GRIA3: variants seen among roughly 807,000 people sequenced by gnomAD.
GRIA3 encodes glutamate receptor 3.
A neutral mutation model predicts 63.0 loss-of-function variants in GRIA3; 3 were observed. The observed-to-expected ratio is 0.05, with a 90% CI of 0.02 to 0.12. The LOEUF is 0.12. GRIA3 is among the 10% of genes least tolerant of loss of function. The probability of loss-of-function intolerance (pLI) is 1.00; values close to 1 mark genes in which losing one functional copy is unlikely to be tolerated. For synonymous variants in GRIA3, 274 were observed against 257.9 expected, an observed-to-expected ratio of 1.06 and a Z score of -0.60; for missense variants, 347 against 700.9, an observed-to-expected ratio of 0.50 and a Z score of 5.70.
chrX:123,468,641 G>A (rs1489280232), intron 13 of GRIA3, among the ~76,000 whole-genome samples: 3 of 112,549 alleles, frequency 2.7e-5, no homozygotes, highest in Non-Finnish European at 5.6e-5. Context: ...TAATAAAATT[G>A]TCATTCTTTA....
intron 2 of GRIA3, among the ~76,000 whole-genome samples, chrX:123,200,334 T>C (rs957256329): frequency 1.8e-5 from 2 of 110,103 alleles, no homozygotes; most frequent in East Asian, 2.8e-4. Context: ...CCCAGGTAAA[T>C]TAAAAATCAC....
chrX:123,273,779 G>A (rs1245545448), intron 3 of GRIA3, among the ~76,000 whole-genome samples: 1 of 111,831 alleles, frequency 8.9e-6, no homozygotes, highest in Non-Finnish European at 1.9e-5. Flanking sequence ...ACTTCTTCTC[G>A]CTCAAATTAA....
chrX:123,488,138 G>A (rs1304740660), intron 15 of GRIA3, among the ~76,000 whole-genome samples: 2 of 112,152 alleles, frequency 1.8e-5, no homozygotes, highest in African/African-American at 6.5e-5. Flanking sequence ...GGCAAAGACC[G>A]CATTGATGCC....
chrX:123,370,467 A>G (rs771919418), intron 5 of GRIA3, among the ~76,000 whole-genome samples: 8 of 111,897 alleles, frequency 7.1e-5, no homozygotes, highest in Non-Finnish European at 3.8e-5. Flanking sequence ...GAGTAAGCCA[A>G]CTTCTGCCCA....
intron 5 of GRIA3, among the ~76,000 whole-genome samples, chrX:123,361,628 C>T (rs908233684): frequency 9.0e-6 from 1 of 111,522 alleles, no homozygotes; most frequent in Admixed American, 9.5e-5. Flanking sequence ...CTTAAAGTTG[C>T]GAACTCTGAG....
At chrX:123,374,253 C>G (rs1022940538) in intron 5 of GRIA3, among the ~76,000 whole-genome samples, 5 of 111,900 alleles carry the variant, frequency 4.5e-5, no homozygotes, top group African/African-American at 1.6e-4. Flanking sequence ...GTTTTGGTTA[C>G]TGTAGCCTTG....
intron 2 of GRIA3, among the ~76,000 whole-genome samples, chrX:123,229,065 C>A (rs1039292318): frequency 4.5e-5 from 5 of 111,544 alleles, no homozygotes; most frequent in African/African-American, 1.6e-4. Flanking sequence ...CAGATCGTGC[C>A]CATCTCCATG....
chrX:123,351,542 C>G (rs950316264), intron 4 of GRIA3, among the ~76,000 whole-genome samples: 1 of 111,928 alleles, frequency 8.9e-6, no homozygotes, highest in African/African-American at 3.2e-5. Context: ...ACACAATAAA[C>G]CATAGCCTGA....
At chrX:123,336,973 G>C (rs901494500) in intron 4 of GRIA3, among the ~76,000 whole-genome samples, 1 of 112,001 alleles carries the variant, frequency 8.9e-6, no homozygotes, top group African/African-American at 3.2e-5. Context: ...TCTTAAGGGG[G>C]AGAAAATGAA....
At chrX:123,272,483 C>T (rs1277742512) in intron 3 of GRIA3, among the ~76,000 whole-genome samples, 1 of 111,946 alleles carries the variant, frequency 8.9e-6, no homozygotes, top group Non-Finnish European at 1.9e-5. Context: ...GCCAGTTAGG[C>T]GGGATGCTGA....
chrX:123,196,439 C>T (rs1295137576), intron 2 of GRIA3, among the ~76,000 whole-genome samples: 1 of 111,901 alleles, frequency 8.9e-6, no homozygotes, highest in Non-Finnish European at 1.9e-5. Flanking sequence ...AGCAAATAGA[C>T]ATAAAATAAT....
intron 3 of GRIA3, among the ~76,000 whole-genome samples, chrX:123,315,327 A>T (rs2044823952): frequency 8.9e-6 from 1 of 112,474 alleles, no homozygotes; most frequent in Non-Finnish European, 1.9e-5. Flanking sequence ...ACTGACATCC[A>T]TATGCAAATA....
intron 12 of GRIA3, among the ~76,000 whole-genome samples, chrX:123,461,054 A>G (rs907883354): frequency 2.7e-5 from 3 of 112,044 alleles, no homozygotes; most frequent in East Asian, 2.8e-4. Context: ...AGTGATTTTT[A>G]GAAAAATTTC....
At chrX:123,274,249 A>G (rs1319158412) in intron 3 of GRIA3, among the ~76,000 whole-genome samples, 1 of 112,227 alleles carries the variant, frequency 8.9e-6, no homozygotes, top group African/African-American at 3.2e-5. Flanking sequence ...CTGTCTTTTT[A>G]TTTGCTAGAT....
At chrX:123,389,680 CTTTTGT>C (rs1325082758) in intron 5 of GRIA3, among the ~76,000 whole-genome samples, 1 of 88,402 alleles carries the variant, frequency 1.1e-5, no homozygotes, top group African/African-American at 4.4e-5. Context: ...CTATATTTTT[CTTTTGT>C]TTTTGTTGTT....
chrX:123,397,595 T>C (rs188303987), intron 6 of GRIA3, among the ~76,000 whole-genome samples: 1,515 of 112,309 alleles, frequency 0.013, 10 homozygotes, highest in Middle Eastern at 0.037. Context: ...ATATGTCCCC[T>C]GTTACAGTCA....
chrX:123,270,104 AC>A (rs1475467708), intron 3 of GRIA3, among the ~76,000 whole-genome samples: 1 of 112,510 alleles, frequency 8.9e-6, no homozygotes, highest in Non-Finnish European at 1.9e-5. Context: ...GAATTGGGAA[AC>A]TAAGCTTAGT....
rs1045259328 is a variant in GRIA3, at chrX:123,490,196, C to T, written c.*1486C>T. On this transcript the variant is annotated 3_prime_UTR_variant, in exon 16 of 16. Coordinates refer to ENST00000620443, the MANE Select transcript of GRIA3 (RefSeq NM_007325.5). ...AAAAACTAGGAGCTCGCATTCATTT[C>T]CCAAGTGTGACCCTTAGATGCTTAG... 8.9e-6 allele frequency: 1 copy of T among 112,759 alleles called. No individual in the cohort carries two copies. Among genetic ancestry groups the T allele is most frequent in the Non-Finnish European group, 1.9e-5 (1 of 53,299 alleles). 9.3% of individuals were successfully genotyped at this position (112,759 alleles called of 1,213,427 possible).
At chrX:123,460,213 G>A (rs1229949233) in intron 12 of GRIA3, among the ~76,000 whole-genome samples, 4 of 111,998 alleles carry the variant, frequency 3.6e-5, no homozygotes, top group African/African-American at 1.3e-4. Flanking sequence ...AAATTATAGT[G>A]CACTTGGATC....
Sources: allele counts gnomAD v4.1 joint callset (sites outside exome capture counted in the v4.1 genomes callset), GRCh38; gene constraint gnomAD v4.1.1; transcripts MANE v1.5; gene names NCBI Gene and HGNC (gene_info 2026-07-23, HGNC 2026-07-21).